The following PTPRR variants were observed in gnomAD, a reference collection of about 807,000 sequenced individuals.
PTPRR encodes receptor-type tyrosine-protein phosphatase R.
A neutral mutation model predicts 77.2 loss-of-function variants in PTPRR; 38 were observed. The ratio of observed to expected loss-of-function variants is 0.49; its 90% confidence interval spans 0.38 to 0.65. The LOEUF (loss-of-function observed/expected upper bound fraction) is 0.65, where lower values mean the gene tolerates loss of function less well. PTPRR is among the 30% of genes least tolerant of loss of function. The pLI is 0.00. For synonymous variants in PTPRR, 299 were observed against 283.1 expected (o/e 1.06, Z -0.57); for missense variants, 744 against 799.2 (o/e 0.93, Z 0.83).
chr12:70,832,159 A>T (rs746072656), intron 2 of PTPRR, among the ~76,000 whole-genome samples: 35 of 152,228 alleles, frequency 2.3e-4, no homozygotes, highest in Non-Finnish European at 4.0e-4. Context: ...ACGCTCTGTG[A>T]TGCATTAACA....
intron 2 of PTPRR, among the ~76,000 whole-genome samples, chr12:70,812,935 G>A (rs1891836135): frequency 1.3e-5 from 2 of 152,262 alleles, no homozygotes; most frequent in Middle Eastern, 3.4e-3. Flanking sequence ...TGCTCATTGA[G>A]CTATTCTGCT....
chr12:70,677,526 TATG>T (rs1887492386), intron 10 of PTPRR, among the ~76,000 whole-genome samples: 1 of 152,224 alleles, frequency 6.6e-6, no homozygotes, highest in Non-Finnish European at 1.5e-5. Context: ...CCACATTCAA[TATG>T]ATGTTTGTTG....
intron 7 of PTPRR, 62 bp from the exon 8 acceptor site, chr12:70,698,411 G>T: frequency 7.1e-7 from 1 of 1,409,984 alleles, no homozygotes. Flanking sequence ...AATCTTCACA[G>T]GGGGGCATCT....
chr12:70,806,882 T>A (rs1386995104), intron 2 of PTPRR, among the ~76,000 whole-genome samples: 2 of 152,204 alleles, frequency 1.3e-5, no homozygotes, highest in East Asian at 3.9e-4. Context: ...GGGATAGTAC[T>A]GGGAGATTGA....
chr12:70,905,127 T>C (rs890431509), intron 1 of PTPRR, among the ~76,000 whole-genome samples: 1 of 151,704 alleles, frequency 6.6e-6, no homozygotes, highest in African/African-American at 2.4e-5. Context: ...GAATGAGCCT[T>C]GGATTTGAGG....
intron 2 of PTPRR, among the ~76,000 whole-genome samples, chr12:70,821,945 T>A (rs1279142612): frequency 1.3e-5 from 2 of 152,128 alleles, no homozygotes; most frequent in African/African-American, 4.8e-5. Context: ...ATTACAGGCA[T>A]GAGCCACCAC....
intron 10 of PTPRR, among the ~76,000 whole-genome samples, chr12:70,674,127 G>A (rs982555218): frequency 5.3e-5 from 8 of 151,900 alleles, no homozygotes; most frequent in Non-Finnish European, 7.4e-5. Context: ...TGAGATATAA[G>A]TCTCATTACA....
intron 2 of PTPRR, among the ~76,000 whole-genome samples, chr12:70,799,454 C>T (rs1891574041): frequency 6.6e-6 from 1 of 152,096 alleles, no homozygotes; most frequent in Non-Finnish European, 1.5e-5. Flanking sequence ...GGCAAGATGA[C>T]ATTTCAAAGA....
intron 10 of PTPRR, among the ~76,000 whole-genome samples, chr12:70,677,101 A>C (rs1227052331): frequency 1.3e-5 from 2 of 152,048 alleles, no homozygotes; most frequent in East Asian, 1.9e-4. Context: ...TTCATCAATG[A>C]TTTATAGTTT....
chr12:70,888,137 AATTT>A (rs1424883050), intron 2 of PTPRR, among the ~76,000 whole-genome samples: 2 of 152,256 alleles, frequency 1.3e-5, no homozygotes, highest in African/African-American at 4.8e-5. Context: ...ATGTTCCAAT[AATTT>A]ATTAGAGAAA....
At chr12:70,770,920 C>T (rs537982457) in intron 2 of PTPRR, among the ~76,000 whole-genome samples, 226 of 146,034 alleles carry the variant, frequency 1.5e-3, no homozygotes, top group African/African-American at 4.9e-3. Flanking sequence ...AACCAAACAC[C>T]GCATATTCTC....
chr12:70,875,447 G>A (rs868329891), intron 2 of PTPRR, among the ~76,000 whole-genome samples: 1 of 151,970 alleles, frequency 6.6e-6, no homozygotes, highest in Non-Finnish European at 1.5e-5. Flanking sequence ...ACAATGAAGT[G>A]GGTAAAAGAA....
At chr12:70,786,583 GCA>G (rs1435217015) in intron 2 of PTPRR, among the ~76,000 whole-genome samples, 2 of 152,132 alleles carry the variant, frequency 1.3e-5, no homozygotes, top group East Asian at 3.9e-4. Context: ...CTCTGAAGGG[GCA>G]CAGAGACCAC....
intron 2 of PTPRR, among the ~76,000 whole-genome samples, chr12:70,768,169 C>T (rs1592745351): frequency 1.3e-5 from 2 of 151,888 alleles, no homozygotes; most frequent in South Asian, 2.1e-4. Flanking sequence ...AAAATCAGAG[C>T]AGAACTGAAG....
intron 2 of PTPRR, among the ~76,000 whole-genome samples, chr12:70,804,137 C>CTGTGTGTG (rs1318704522): frequency 1.3e-4 from 7 of 55,094 alleles, no homozygotes; most frequent in Admixed American, 1.7e-4. Context: ...CTGTTCCTGG[C>CTGTGTGTG]TCTGTGTGTG....
chr12:70,733,333 C>T (rs985165372), intron 6 of PTPRR, among the ~76,000 whole-genome samples: 4 of 150,334 alleles, frequency 2.7e-5, no homozygotes, highest in Admixed American at 2.7e-4. Flanking sequence ...CATCACTACA[C>T]TGAGACCTGT....
chr12:70,672,868 C>T (rs1566058873), intron 10 of PTPRR: 1 of 1,559,066 alleles, frequency 6.4e-7, no homozygotes, highest in South Asian at 1.1e-5. Context: ...GTGATGGCTC[C>T]TGCACAGGCC....
intron 2 of PTPRR, among the ~76,000 whole-genome samples, chr12:70,867,217 G>T (rs1007771940): frequency 1.3e-5 from 2 of 151,902 alleles, no homozygotes; most frequent in Non-Finnish European, 2.9e-5. Flanking sequence ...AGGAAATAAA[G>T]GGTATTCAAT....
chr12:70,673,000 A>G, intron 10 of PTPRR: 1 of 1,312,134 alleles, frequency 7.6e-7, no homozygotes, highest in Non-Finnish European at 1.0e-6. Context: ...AGAAGGATAG[A>G]GCTCTCTTCA....
Sources: gnomAD v4.1 joint callset for allele counts (sites outside exome capture counted in the v4.1 genomes callset) on GRCh38, gnomAD v4.1.1 for gene constraint, MANE v1.5 for transcripts, NCBI Gene and HGNC (gene_info 2026-07-23, HGNC 2026-07-21) for gene names.